Variants in ZKSCAN3 observed in about 807,000 individuals in gnomAD.
ZKSCAN3 encodes zinc finger protein with KRAB and SCAN domains 3.
Under a neutral mutation model 30.7 loss-of-function variants are expected in ZKSCAN3, and 21 were observed. The observed-to-expected ratio is 0.68, with a 90% confidence interval of 0.49 to 0.99. The LOEUF is 0.99. Ranked by LOEUF, ZKSCAN3 falls within the 50% of genes least tolerant of loss-of-function variation. The pLI is 0.00. For missense variants in ZKSCAN3, 507 were observed against 647.1 expected (o/e 0.78, Z 2.35); for synonymous variants, 201 against 246.7 (o/e 0.81, Z 1.73).
At position 28,366,420 on chromosome 6, in the gene ZKSCAN3, C is replaced by T. The variant is rs1765973078; in HGVS notation, c.*135C>T. 4.1e-6 allele frequency: 4 copies of T among 971,670 alleles called. No homozygotes were observed. Among genetic ancestry groups the T allele is most frequent in the Non-Finnish European group, 5.7e-6 (4 of 697,690 alleles). The allele number at this position is 971,670 out of a possible 1,614,324, so 60.2% of individuals were successfully genotyped here. On this transcript the variant is annotated 3_prime_UTR_variant, in exon 6 of 6. Coordinates refer to ENST00000252211, the MANE Select transcript of ZKSCAN3 (RefSeq NM_024493.4). ...ATTATCAGGTGTTAGAAAATGTAGA[C>T]TGGGTTAGACAAATTATCTTCTAAG...
chr6:28,365,298 C>A, intron 5 of ZKSCAN3, 128 bp from the exon 6 acceptor site: 1 of 1,339,162 alleles, frequency 7.5e-7, no homozygotes, highest in Non-Finnish European at 1.0e-6. Flanking sequence ...TATTCCCATC[C>A]TTATTCTAGC....
At chr6:28,362,276 G>C (rs59457415) in intron 3 of ZKSCAN3, among the ~76,000 whole-genome samples, 3,358 of 152,304 alleles carry the variant, frequency 0.022, 73 homozygotes, top group African/African-American at 0.059. Context: ...TCGTATGACA[G>C]TGGGAAGTCT....
intron 1 of ZKSCAN3, chr6:28,355,929 T>C (rs929769632): frequency 1.3e-5 from 2 of 152,266 alleles, no homozygotes; most frequent in East Asian, 3.9e-4. Flanking sequence ...TGCCAAGCCG[T>C]GCAAAACATC....
chr6:28,352,087 G>T (rs1765071872), intron 1 of ZKSCAN3, among the ~76,000 whole-genome samples: 2 of 151,476 alleles, frequency 1.3e-5, no homozygotes, highest in South Asian at 4.2e-4. Context: ...TCTAATCTAT[G>T]ACAGTTCCCA....
intron 5 of ZKSCAN3, among the ~76,000 whole-genome samples, chr6:28,364,711 T>C (rs1374387617): frequency 6.6e-6 from 1 of 152,166 alleles, no homozygotes; most frequent in Non-Finnish European, 1.5e-5. Context: ...GAGTCTCCAC[T>C]TTCGCTGTTT....
At position 28,359,926 on chromosome 6, in the gene ZKSCAN3, G is replaced by A. The variant is rs1422406252; in HGVS notation, c.340G>A (p.Gly114Arg). Reference protein sequence around the residue: ...SWVREQHPESGEEVVVLLEYL... With the variant: ...SWVREQHPESREEVVVLLEYL... ...GGTGCGGGAGCAGCATCCAGAGAGC[G>A]GGGAGGAGGTGGTGGTGCTATTGGA... Residue 114 changes from glycine to arginine, a missense_variant, in exon 2 of 6, where the codon GGG becomes AGG. Physicochemically the swap from Gly to Arg is moderately radical, Grantham distance 125 (BLOSUM62 -2). Coordinates refer to ENST00000252211, the MANE Select transcript of ZKSCAN3 (RefSeq NM_024493.4). 6.2e-7 allele frequency: 1 copy of A among 1,614,124 alleles called. No individual in the cohort carries two copies. Among genetic ancestry groups the A allele is most frequent in the Admixed American group, 1.7e-5 (1 of 60,024 alleles).
chr6:28,359,325 G>A (rs1326910674), intron 1 of ZKSCAN3, among the ~76,000 whole-genome samples, 200 bp from the exon 2 acceptor site: 1 of 152,078 alleles, frequency 6.6e-6, no homozygotes, highest in African/African-American at 2.4e-5. Context: ...GCTTGGGGGT[G>A]TCCAGGATCA....
In ZKSCAN3 at chr6:28,366,008, T is replaced by C. The variant is rs147653277; in HGVS notation, c.1340T>C (p.Ile447Thr). Residue 447 changes from isoleucine to threonine, a missense_variant, in exon 6 of 6, where the codon ATC becomes ACC. Coordinates refer to ENST00000252211, the MANE Select transcript of ZKSCAN3 (RefSeq NM_024493.4). ...TCACATCTCCTGAGACATCAGAGGA[T>C]CCATACTGGGGATAAAAATGTTCAG... ...RSSHLLRHQR[I>T]HTGDKNVQEP... 17 of 1,613,896 alleles carry C rather than the reference T, an allele frequency of 1.1e-5. No homozygotes were observed. The African/African-American group carries it at 2.3e-4, about 22-fold the overall frequency.
At chr6:28,363,459 C>G in intron 4 of ZKSCAN3, 74 bp downstream of exon 4, 2 of 1,433,386 alleles carry the variant, frequency 1.4e-6, no homozygotes, top group Admixed American at 1.8e-5. Flanking sequence ...CCTCACTCCC[C>G]ATTCCCCTCC....
chr6:28,352,862 A>G (rs1445677998), intron 1 of ZKSCAN3, among the ~76,000 whole-genome samples: 1 of 152,094 alleles, frequency 6.6e-6, no homozygotes, highest in Admixed American at 6.5e-5. Context: ...TTTGAACTGT[A>G]GAGAGTTGGA....
chr6:28,360,144 T>C (rs1333013382), intron 2 of ZKSCAN3, 156 bp downstream of exon 2: 1 of 1,341,144 alleles, frequency 7.5e-7, no homozygotes, highest in African/African-American at 1.5e-5. Context: ...CTGGACTCCT[T>C]CTCAGAATAA....
rs1442680690 is a variant in ZKSCAN3 at position 28,365,678 on chromosome 6, C to T, written c.1010C>T (p.Thr337Ile). 6.2e-7 allele frequency: 1 copy of T among 1,614,072 alleles called. No individual in the cohort carries two copies. The highest frequency in any genetic ancestry group is 2.2e-5 in the East Asian group (1 of 44,904). Residue 337 changes from threonine to isoleucine, a missense_variant, in exon 6 of 6, where the codon ACT becomes ATT. Transcript: ENST00000252211. ...SGLSKHRRIHTGEKPYECEEC... is the reference protein window; with the variant it reads ...SGLSKHRRIHIGEKPYECEEC... Reference sequence around the variant, plus strand: ...CTGAGTAAACACAGGAGAATCCACACTGGTGAGAAACCCTACGAATGTGAA... The same window carrying T: ...CTGAGTAAACACAGGAGAATCCACATTGGTGAGAAACCCTACGAATGTGAA...
intron 1 of ZKSCAN3, 37 bp downstream of exon 1, chr6:28,350,104 G>GTGTA (rs1764878450): frequency 6.6e-6 from 1 of 152,460 alleles, no homozygotes; most frequent in Non-Finnish European, 1.5e-5. Flanking sequence ...GTGTGTGTGT[G>GTGTA]TGTGTGTTTG....
intron 3 of ZKSCAN3, among the ~76,000 whole-genome samples, chr6:28,362,692 T>C (rs1282482592): frequency 6.6e-6 from 1 of 152,198 alleles, no homozygotes; most frequent in African/African-American, 2.4e-5. Flanking sequence ...TGAAGTTATA[T>C]AAGGAATAAT....
intron 3 of ZKSCAN3, among the ~76,000 whole-genome samples, chr6:28,362,873 C>T (rs1765818509): frequency 1.3e-5 from 2 of 152,122 alleles, no homozygotes; most frequent in South Asian, 2.1e-4. Context: ...ACCCAAAATC[C>T]GATTTTTCCT....
intron 1 of ZKSCAN3, chr6:28,356,184 C>CA (rs1765410023): frequency 6.6e-6 from 1 of 152,254 alleles, no homozygotes; most frequent in Non-Finnish European, 1.5e-5. Context: ...AGTTCCCAAT[C>CA]AAACAGGAAA....
rs1409337485 is a variant in ZKSCAN3 at position 28,366,462 on chromosome 6, T to A, written c.*177T>A. The A allele has an allele frequency of 1.6e-6, 1 of 642,678 alleles. No homozygotes were observed. Among genetic ancestry groups the A allele is most frequent in the Non-Finnish European group, 2.4e-6 (1 of 424,082 alleles). The allele number at this position is 642,678 out of a possible 1,614,324, so 39.8% of individuals were successfully genotyped here. A position where few individuals can be genotyped will look rare whatever the true frequency, so the allele number is the denominator to read the frequency against. On this transcript the variant is annotated 3_prime_UTR_variant, in exon 6 of 6. Coordinates refer to ENST00000252211, the MANE Select transcript of ZKSCAN3 (RefSeq NM_024493.4). ...TCTTCTAAGTTCTAGAAGGGGTTTG[T>A]AATCAAAACATATTTGATAGGAGGC...
rs945558451 is a variant in ZKSCAN3 at position 28,368,443 on chromosome 6, T to A, written c.*2158T>A. 1.3e-5 allele frequency: 2 copies of A among 152,220 alleles called. No individual in the cohort carries two copies. Among genetic ancestry groups the A allele is most frequent in the African/African-American group, 4.8e-5 (2 of 41,454 alleles). 9.4% of individuals were successfully genotyped at this position (152,220 alleles called of 1,614,324 possible). On this transcript the variant is annotated 3_prime_UTR_variant, in exon 6 of 6. Coordinates refer to ENST00000252211, the MANE Select transcript of ZKSCAN3 (RefSeq NM_024493.4). ...TTCCTCAGGCTATCTACTTTTTTGT[T>A]AAACATACTGTGTAGACCATCTTTT... is the stretch of plus-strand genomic sequence containing the variant.
chr6:28,354,211 T>C, intron 1 of ZKSCAN3: 1 of 332,682 alleles, frequency 3.0e-6, no homozygotes, highest in Non-Finnish European at 6.0e-6. Flanking sequence ...AAGTCCTATG[T>C]ACAGTGTCAG....
Sources: allele counts gnomAD v4.1 joint callset (sites outside exome capture counted in the v4.1 genomes callset), GRCh38; gene constraint gnomAD v4.1.1; transcripts MANE v1.5; gene names NCBI Gene and HGNC (gene_info 2026-07-23, HGNC 2026-07-21).